Variants in ZZEF1 observed in about 807,000 individuals in gnomAD.
ZZEF1 encodes the protein zinc finger ZZ-type and EF-hand domain containing 1, also known as zinc finger ZZ-type and EF-hand domain-containing protein 1.
Under a neutral mutation model 342.8 loss-of-function variants are expected in ZZEF1, and 157 were observed. That is an observed-to-expected ratio of 0.46 (90% CI 0.40 to 0.52). ZZEF1 has a LOEUF of 0.52. ZZEF1 is among the 20% of genes least tolerant of loss of function. The pLI is 0.00. For synonymous variants in ZZEF1, 1,505 were observed against 1,429.1 expected (o/e 1.05, Z -1.20); for missense variants, 3,480 against 3,725.6 (o/e 0.93, Z 1.72).
intron 16 of ZZEF1, 41 bp downstream of exon 16, chr17:4,085,629 C>A: frequency 6.2e-7 from 1 of 1,609,758 alleles, no homozygotes; most frequent in Non-Finnish European, 8.5e-7. Context: ...TTCATCCTCA[C>A]AGACTTCAGA....
At chr17:4,022,506 A>G (rs562195802) in intron 44 of ZZEF1, 1 of 596,264 alleles carries the variant, frequency 1.7e-6, no homozygotes, top group African/African-American at 1.8e-5. Context: ...TTGAACAAAC[A>G]TTAAATTCAT....
rs771509669 is a variant in ZZEF1, at chr17:4,032,888, C to T, written c.6699G>A (p.Leu2233=). ...TGTTGGTGTGCTTCAGCTGGAATGG[C>T]AGCTGCTTGATGCAGTGGTCTGTGA... The part of the protein sequence containing the change: ...ATFTDHCIKQ[L]PFQLKHTNIF... Residue 2233 remains leucine (L), a synonymous_variant, in exon 41 of 55, where the codon CTG becomes CTA. Transcript: ENST00000381638. 6.2e-7 allele frequency: 1 copy of T among 1,614,148 alleles called. No individual in the cohort carries two copies. The highest frequency in any genetic ancestry group is 1.7e-5 in the Admixed American group (1 of 60,026).
chr17:4,042,554 C>G lies in ZZEF1; in HGVS notation c.6181G>C (p.Glu2061Gln), dbSNP rs199848774. ...PTGLPDAEDS[E>Q]VSSQKPIEEK... ...TCTATGGGCTTCTGAGATGACACTT[C>G]TGAATCTTCAGCATCTAAGTGGTAA... is the stretch of plus-strand genomic sequence containing the variant. Residue 2061 changes from glutamate (E) to glutamine (Q), a missense_variant, in exon 39 of 55, where the codon GAA becomes CAA. Glu to Gln is a conservative substitution (Grantham distance 29, BLOSUM62 2). Transcript: ENST00000381638. 2.5e-6 allele frequency: 4 copies of G among 1,611,090 alleles called. No homozygotes were observed. The Admixed American group carries it at 6.8e-5, about 27-fold the overall frequency.
intron 52 of ZZEF1, among the ~76,000 whole-genome samples, chr17:4,010,296 G>C (rs1360542149): frequency 6.6e-6 from 1 of 151,980 alleles, no homozygotes; most frequent in Non-Finnish European, 1.5e-5. Context: ...GGAGGTTGCA[G>C]TGAGCCATGA....
chr17:4,078,100 C>T, intron 18 of ZZEF1, 58 bp from the exon 19 acceptor site: 2 of 1,547,186 alleles, frequency 1.3e-6, no homozygotes, highest in Non-Finnish European at 8.8e-7. Context: ...CAGAGCATAG[C>T]CAAGGGCATC....
At chr17:4,019,348 T>C (rs918701516) in intron 46 of ZZEF1, among the ~76,000 whole-genome samples, 8 of 152,204 alleles carry the variant, frequency 5.3e-5, no homozygotes, top group African/African-American at 1.9e-4. Context: ...CAGAAGTTCC[T>C]GCTCTGTGCT....
At position 4,142,665 on chromosome 17, in the gene ZZEF1, G is replaced by C. The variant is rs140884770; in HGVS notation, c.231C>G (p.Arg77=). 4.4e-6 allele frequency: 7 copies of C among 1,607,408 alleles called. No individual in the cohort carries two copies. In the African/African-American group the frequency reaches 9.3e-5, roughly 21 times the overall value. The change falls in exon 1 of 55, where the codon CGC becomes CGG. Residue 77 remains arginine (R), a synonymous_variant. Transcript: ENST00000381638. ...PPCESLVSRH[R]GALFRWLEER... is the part of the protein sequence containing the mutation. ...CTTCCAGCCAGCGAAACAACGCGCC[G>C]CGATGCCTCGACACCAGCGACTCGC...
chr17:4,046,896 C>T (rs918985799), intron 37 of ZZEF1, among the ~76,000 whole-genome samples: 3 of 152,154 alleles, frequency 2.0e-5, no homozygotes, highest in African/African-American at 7.2e-5. Context: ...AAGGTAGATA[C>T]CCTTACCAGG....
chr17:4,064,273 G>T, intron 29 of ZZEF1, 88 bp downstream of exon 29: 1 of 1,022,834 alleles, frequency 9.8e-7, no homozygotes, highest in South Asian at 1.7e-5. Context: ...TTATTTGTTC[G>T]TTTTTAACAT....
intron 31 of ZZEF1, among the ~76,000 whole-genome samples, chr17:4,058,718 T>C (rs2057221566): frequency 2.0e-5 from 3 of 152,110 alleles, no homozygotes; most frequent in African/African-American, 7.2e-5. Context: ...CTACAAAACA[T>C]AAAGAAAATT....
At position 4,109,698 on chromosome 17, in the gene ZZEF1, A is replaced by G. The variant is rs780768590; in HGVS notation, c.1232T>C (p.Met411Thr). 6.2e-7 allele frequency: 1 copy of G among 1,614,208 alleles called. No individual in the cohort carries two copies. Among genetic ancestry groups the G allele is most frequent in the Non-Finnish European group, 8.5e-7 (1 of 1,180,030 alleles). Reference protein sequence around the residue: ...SLLTSLVTASMETNPAFVQTV... With the variant: ...SLLTSLVTASTETNPAFVQTV... ...CTGGACAAAGGCGGGATTTGTCTCC[A>G]TAGAAGCCGTCACCAGAGATGTCAG... Residue 411 changes from methionine (M) to threonine (T), a missense_variant, in exon 6 of 55, where the codon ATG becomes ACG. This residue lies in a region of ZZEF1 where 1,528 missense variants were observed against 1,624.1 expected (regional missense o/e 0.94). Transcript: ENST00000381638.
chr17:4,111,646 G>A (rs911534259), intron 5 of ZZEF1, among the ~76,000 whole-genome samples: 1 of 68,552 alleles, frequency 1.5e-5, no homozygotes, highest in Non-Finnish European at 3.1e-5. Context: ...GCGACAATGC[G>A]AGGCTCTGTC....
At chr17:4,063,200 C>T (rs1389081863) in intron 29 of ZZEF1, among the ~76,000 whole-genome samples, 1 of 152,172 alleles carries the variant, frequency 6.6e-6, no homozygotes, top group African/African-American at 2.4e-5. Flanking sequence ...TCCATAGAGA[C>T]AAAGCCTTAA....
At position 4,024,186 on chromosome 17, in the gene ZZEF1, G is replaced by GTTTTTTTTTTTTTTTTTTT. The variant is rs754985234; in HGVS notation, c.7092+714_7092+732dup. 3.2e-5 allele frequency among the ~76,000 whole-genome samples: 3 copies of GTTTTTTTTTTTTTTTTTTT among 94,426 alleles called. 1 individual carries two copies. Among genetic ancestry groups the GTTTTTTTTTTTTTTTTTTT allele is most frequent in the African/African-American group, 8.1e-5 (2 of 24,778 alleles). 61.9% of individuals were successfully genotyped at this position (94,426 alleles called of 152,430 possible). On this transcript the variant is annotated intron_variant, in intron 43 of 54. Transcript: ENST00000381638. ...CATCTCCATGCCAAATATTGCCCAG[G>GTTTTTTTTTTTTTTTTTTT]TTTTTTTTTTTTTTTTTTTTTTTTT...
At chr17:4,039,072 T>C (rs1477657738) in intron 39 of ZZEF1, among the ~76,000 whole-genome samples, 1 of 151,930 alleles carries the variant, frequency 6.6e-6, no homozygotes, top group Non-Finnish European at 1.5e-5. Context: ...GAAAATAACC[T>C]CAGTGGTGAT....
At position 4,054,176 on chromosome 17, in the gene ZZEF1, C is replaced by T. The variant is rs2057108246; in HGVS notation, c.5315G>A (p.Arg1772His). 3 of 1,612,634 alleles carry T rather than the reference C, an allele frequency of 1.9e-6. No individual in the cohort carries two copies. Among genetic ancestry groups the T allele is most frequent in the Non-Finnish European group, 2.5e-6 (3 of 1,179,442 alleles). The change falls in exon 34 of 55, where the codon CGC (arginine) becomes CAC (histidine). Residue 1772 changes from arginine (R) to histidine (H), a missense_variant. By Grantham distance (29) the Arg-to-His change is conservative. Coordinates refer to ENST00000381638, the MANE Select transcript of ZZEF1 (RefSeq NM_015113.4). ...KQRKMHMFIARYCDLLNVDIS... is the reference protein window; with the variant it reads ...KQRKMHMFIAHYCDLLNVDIS... ...GTCCACATTTAACAGGTCACAGTAG[C>T]GAGCAATGAACATGTGCATCTGTAA... is the stretch of plus-strand genomic sequence containing the variant.
chr17:4,115,249 A>C (rs2145503853), intron 3 of ZZEF1, among the ~76,000 whole-genome samples: 1 of 151,652 alleles, frequency 6.6e-6, no homozygotes, highest in South Asian at 2.1e-4. Context: ...CTGGTGTCAA[A>C]CTCCTGGCTT....
At chr17:4,121,487 G>C (rs570314431) in intron 2 of ZZEF1, among the ~76,000 whole-genome samples, 1 of 152,086 alleles carries the variant, frequency 6.6e-6, no homozygotes, top group Non-Finnish European at 1.5e-5. Context: ...TTAGCCGGAC[G>C]TGGTGGCAGT....
At chr17:4,107,622 T>C (rs539883706) in intron 6 of ZZEF1, among the ~76,000 whole-genome samples, 3 of 152,178 alleles carry the variant, frequency 2.0e-5, no homozygotes, top group East Asian at 1.9e-4. Flanking sequence ...AGGAATGGGA[T>C]AGGGAGGGTG....
Sources: gnomAD v4.1 joint callset for allele counts (sites outside exome capture counted in the v4.1 genomes callset) on GRCh38, gnomAD v4.1.1 for gene constraint, gnomAD v4.1.1 regional missense constraint, MANE v1.5 for transcripts, NCBI Gene and HGNC (gene_info 2026-07-23, HGNC 2026-07-21) for gene names.